Variants in ANO10 observed in about 807,000 individuals in gnomAD.
The protein encoded by ANO10 is anoctamin-10.
In ANO10, 77 loss-of-function variants were observed where a neutral mutation model predicts 74.7. The observed-to-expected ratio is 1.03, with a 90% CI of 0.86 to 1.25. The LOEUF is 1.25. ANO10 is among the 50% of genes most tolerant of loss of function. The pLI, the probability that ANO10 is intolerant of heterozygous loss-of-function variation, is 0.00. For synonymous variants in ANO10, 279 were observed against 284.9 expected (o/e 0.98, Z 0.21); for missense variants, 721 against 778.1 (o/e 0.93, Z 0.87).
At chr3:43,450,137 T>C (rs552855205) in intron 11 of ANO10, among the ~76,000 whole-genome samples, 79 of 152,332 alleles carry the variant, frequency 5.2e-4, no homozygotes, top group African/African-American at 1.9e-3. Context: ...GTTTCTGCCA[T>C]TGTTTTTAGA....
chr3:43,402,780 A>G (rs2148873430), intron 12 of ANO10, among the ~76,000 whole-genome samples: 1 of 152,336 alleles, frequency 6.6e-6, no homozygotes, highest in East Asian at 1.9e-4. Context: ...TTTTAAAAAC[A>G]TGCCTTAGTG....
chr3:43,587,259 T>C (rs1474949304), intron 4 of ANO10, among the ~76,000 whole-genome samples: 2 of 152,094 alleles, frequency 1.3e-5, no homozygotes, highest in African/African-American at 4.8e-5. Context: ...CTATAACATA[T>C]GCCTACAGCA....
At chr3:43,544,619 C>T (rs542386817) in intron 11 of ANO10, among the ~76,000 whole-genome samples, 13 of 151,790 alleles carry the variant, frequency 8.6e-5, no homozygotes, top group African/African-American at 3.1e-4. Flanking sequence ...ATGGTGAAAC[C>T]CCGTCTCTAC....
At chr3:43,603,894 T>C (rs2082441411) in intron 2 of ANO10, among the ~76,000 whole-genome samples, 1 of 152,190 alleles carries the variant, frequency 6.6e-6, no homozygotes, top group Admixed American at 6.6e-5. Flanking sequence ...GAAACTGAAT[T>C]AGGTATGTGA....
intron 4 of ANO10, among the ~76,000 whole-genome samples, chr3:43,591,744 C>T (rs576763369): frequency 3.3e-5 from 5 of 152,278 alleles, no homozygotes; most frequent in East Asian, 1.9e-4. Context: ...GCTCGTTGGA[C>T]GGTGGGTGCA....
Position 43,578,749 on chromosome 3 carries a change from C to CAAAAAAAAAAAAAA in ANO10, c.593-1502_593-1489dup, listed in dbSNP as rs56186109. Among the ~76,000 whole-genome samples the CAAAAAAAAAAAAAA allele has an allele frequency of 1.7e-4, 11 of 64,436 alleles. 2 individuals carry two copies. Among genetic ancestry groups the CAAAAAAAAAAAAAA allele is most frequent in the African/African-American group, 1.9e-4 (4 of 20,650 alleles). The allele number at this position is 64,436 out of a possible 152,430, so 42.3% of individuals were successfully genotyped here. A position where few individuals can be genotyped will look rare whatever the true frequency, so the allele number is the denominator to read the frequency against. Reference sequence around the variant, plus strand: ...TGGGCCACAGAGCAAGACTCCATCTCAAAAAAAAAAAAAAAAAAAAAAAAA... The same window carrying CAAAAAAAAAAAAAA: ...TGGGCCACAGAGCAAGACTCCATCTCAAAAAAAAAAAAAAAAAAAAAAAAAAAAAAAAAAAAAAA... On this transcript the variant is annotated intron_variant, in intron 5 of 12. Transcript: ENST00000292246.
At chr3:43,635,032 G>A (rs1348642577) in intron 1 of ANO10, among the ~76,000 whole-genome samples, 1 of 152,144 alleles carries the variant, frequency 6.6e-6, no homozygotes, top group Non-Finnish European at 1.5e-5. Flanking sequence ...ACAAGGAGAA[G>A]TCCATGGAGC....
chr3:43,588,673 G>C (rs1236679050), intron 4 of ANO10, among the ~76,000 whole-genome samples: 1 of 151,662 alleles, frequency 6.6e-6, no homozygotes, highest in Non-Finnish European at 1.5e-5. Context: ...TAAAAGGCTG[G>C]GCAAAAACAT....
At chr3:43,624,743 G>T (rs2083477059), upstream of ANO10, among the ~76,000 whole-genome samples, 1 of 152,170 alleles carries the variant, frequency 6.6e-6, no homozygotes. Context: ...AGGACCTACA[G>T]TATGGACACA....
intron 7 of ANO10, 149 bp from the exon 8 acceptor site, chr3:43,565,876 C>G (rs1044446772): frequency 2.5e-5 from 20 of 786,672 alleles, no homozygotes; most frequent in Admixed American, 1.3e-4. Flanking sequence ...AGCTCCCAGC[C>G]TGAGCGACGC....
At chr3:43,536,275 C>T (rs1575369325) in intron 11 of ANO10, among the ~76,000 whole-genome samples, 1 of 152,320 alleles carries the variant, frequency 6.6e-6, no homozygotes, top group East Asian at 1.9e-4. Flanking sequence ...TGATCCCTCA[C>T]TCATTAGAGC....
At position 43,565,732 on chromosome 3, in the gene ANO10, C is replaced by CAAAAAAAA; in HGVS notation, c.1219-13_1219-6dup. The CAAAAAAAA allele has an allele frequency of 1.8e-5, 23 of 1,272,624 alleles. No individual in the cohort carries two copies. The Admixed American group carries it at 2.1e-4, about 12-fold the overall frequency. The allele number at this position is 1,272,624 out of a possible 1,614,324, so 78.8% of individuals were successfully genotyped here. A position where few individuals can be genotyped will look rare whatever the true frequency, so the allele number is the denominator to read the frequency against. ...AAAGCAATTGAGGAAGTTGAACTGC[C>CAAAAAAAA]AAAAAAAAAAAAAAAAAAGATAAGT... On this transcript the variant is annotated splice_region_variant and splice_polypyrimidine_tract_variant and intron_variant, in intron 7 of 12. Coordinates refer to ENST00000292246, the MANE Select transcript of ANO10 (RefSeq NM_018075.5).
intron 11 of ANO10, among the ~76,000 whole-genome samples, chr3:43,527,539 T>C (rs1476888116): frequency 6.6e-6 from 1 of 152,126 alleles, no homozygotes; most frequent in Admixed American, 6.6e-5. Flanking sequence ...TCTCCATATA[T>C]ACTCAAAACC....
chr3:43,429,335 T>A (rs541142248), intron 12 of ANO10, among the ~76,000 whole-genome samples: 1 of 152,236 alleles, frequency 6.6e-6, no homozygotes, highest in African/African-American at 2.4e-5. Flanking sequence ...AAATCCTGAG[T>A]GATTTTTTCA....
intron 1 of ANO10, among the ~76,000 whole-genome samples, chr3:43,630,935 C>T (rs1035827322): frequency 3.3e-5 from 5 of 151,794 alleles, no homozygotes; most frequent in South Asian, 2.1e-4. Flanking sequence ...CGTGTTTGAT[C>T]GGTTGTCTCA....
intron 12 of ANO10, among the ~76,000 whole-genome samples, chr3:43,367,675 G>A (rs2091459446): frequency 6.6e-6 from 1 of 152,038 alleles, no homozygotes; most frequent in South Asian, 2.1e-4. Flanking sequence ...GTCAGGCAGC[G>A]GCGTAGGGGA....
At chr3:43,407,092 T>C (rs184650220) in intron 12 of ANO10, among the ~76,000 whole-genome samples, 6 of 152,112 alleles carry the variant, frequency 3.9e-5, no homozygotes, top group Admixed American at 2.0e-4. Context: ...TTAGTAGAGA[T>C]AGAGTTTCAC....
chr3:43,552,726 A>ATATATGTATG (rs1553710721), intron 10 of ANO10, among the ~76,000 whole-genome samples: 27 of 95,576 alleles, frequency 2.8e-4, no homozygotes, highest in Admixed American at 7.4e-4. Flanking sequence ...ATATATATAT[A>ATATATGTATG]TATGTATGTA....
intron 11 of ANO10, among the ~76,000 whole-genome samples, chr3:43,500,252 T>C (rs2077052599): frequency 6.6e-6 from 1 of 152,188 alleles, no homozygotes; most frequent in South Asian, 2.1e-4. Context: ...TCCTCTTATG[T>C]GGCCTCAGCA....
Sources: gnomAD v4.1 joint callset for allele counts (sites outside exome capture counted in the v4.1 genomes callset) on GRCh38, gnomAD v4.1.1 for gene constraint, MANE v1.5 for transcripts, NCBI Gene and HGNC (gene_info 2026-07-23, HGNC 2026-07-21) for gene names.